The following PRH1 variants were observed in gnomAD, a reference collection of about 807,000 sequenced individuals.
PRH1 encodes the protein proline rich protein HaeIII subfamily 1.
A neutral mutation model predicts 7.9 loss-of-function variants in PRH1; 7 were observed. The ratio of observed to expected loss-of-function variants is 0.89; its 90% CI spans 0.50 to 1.67. The LOEUF (loss-of-function observed/expected upper bound fraction) is 1.67. Among genes scored for constraint, PRH1 ranks in the 40% most tolerant of loss-of-function variants. PRH1 has a pLI of 0.00. For missense variants in PRH1, 109 were observed against 223.6 expected (o/e 0.49, Z 3.27); for synonymous variants, 45 against 80.8 (o/e 0.56, Z 2.38).
intron 2 of PRH1, among the ~76,000 whole-genome samples, chr12:10,894,022 T>C (rs1305707743): frequency 6.6e-6 from 1 of 152,182 alleles, no homozygotes; most frequent in Non-Finnish European, 1.5e-5. Flanking sequence ...TTTGTTTTTC[T>C]TTTCAAAACT....
intron 1 of PRH1, among the ~76,000 whole-genome samples, chr12:10,991,455 G>A (rs1939928025): frequency 1.3e-5 from 2 of 151,972 alleles, no homozygotes; most frequent in Non-Finnish European, 2.9e-5. Context: ...CCATCACTCT[G>A]ATTTAGCAGA....
chr12:11,112,434 A>G (rs1397048847), intron 1 of PRH1, among the ~76,000 whole-genome samples: 2 of 152,218 alleles, frequency 1.3e-5, no homozygotes, highest in African/African-American at 2.4e-5. Context: ...ATCCAGCAGC[A>G]TATAAAAAGG....
chr12:10,940,620 C>T (rs1950383968), intron 2 of PRH1, among the ~76,000 whole-genome samples: 1 of 152,184 alleles, frequency 6.6e-6, no homozygotes, highest in Admixed American at 6.5e-5. Flanking sequence ...CCAGCAACAT[C>T]TACTCCATGA....
intron 1 of PRH1, chr12:11,132,952 C>G: frequency 4.4e-6 from 1 of 224,920 alleles, no homozygotes; most frequent in Non-Finnish European, 8.6e-6. Context: ...GCTGTTAGTT[C>G]TTAATAATTA....
intron 1 of PRH1, among the ~76,000 whole-genome samples, chr12:11,087,400 G>C (rs1944742678): frequency 8.5e-6 from 1 of 117,166 alleles, no homozygotes; most frequent in Non-Finnish European, 2.0e-5. Context: ...AGCCTGCATT[G>C]AGAGTTTCTG....
chr12:10,960,508 G>A (rs929446259), intron 2 of PRH1, among the ~76,000 whole-genome samples: 7 of 152,110 alleles, frequency 4.6e-5, no homozygotes, highest in Non-Finnish European at 5.9e-5. Context: ...TTGATTTGGC[G>A]AATGTTTTTA....
In PRH1 at chr12:11,069,196, C is replaced by CT. The variant is rs377239053; in HGVS notation, n.124-22009dup. Among the ~76,000 whole-genome samples, 30 of 151,178 alleles carry CT rather than the reference C, an allele frequency of 2.0e-4. 1 individual carries two copies. Among genetic ancestry groups the CT allele is most frequent in the African/African-American group, 7.3e-4 (30 of 41,248 alleles). ...ACCTCCCAAGGTGCTCAATTACAGG[C>CT]TTGAGCCACAGCATCCAACCTGGTA... On this transcript the variant is annotated intron_variant and non_coding_transcript_variant, in intron 1 of 4. Coordinates refer to the PRH1 transcript ENST00000541977.
chr12:11,014,083 A>C, intron 1 of PRH1, among the ~76,000 whole-genome samples: 1 of 152,196 alleles, frequency 6.6e-6, no homozygotes, highest in East Asian at 1.9e-4. Flanking sequence ...TATTTACATA[A>C]TGTGCTATAT....
intron 1 of PRH1, chr12:10,996,510 A>G (rs1591786499): frequency 1.3e-5 from 2 of 152,938 alleles, no homozygotes; most frequent in African/African-American, 4.8e-5. Context: ...ACAACGAAAA[A>G]CAGCAATGAT....
intron 1 of PRH1, among the ~76,000 whole-genome samples, chr12:10,989,603 C>T (rs1175831446): frequency 6.6e-6 from 1 of 152,116 alleles, no homozygotes; most frequent in Non-Finnish European, 1.5e-5. Flanking sequence ...TTATTAAATA[C>T]TTAACCCAAA....
intron 1 of PRH1, among the ~76,000 whole-genome samples, chr12:11,101,181 T>G (rs1440547610): frequency 6.6e-6 from 1 of 152,288 alleles, no homozygotes; most frequent in East Asian, 1.9e-4. Context: ...TCTTCTTTTG[T>G]GTGAATTAAT....
intron 1 of PRH1, among the ~76,000 whole-genome samples, chr12:11,127,780 G>A (rs938946100): frequency 3.8e-5 from 3 of 78,566 alleles, no homozygotes; most frequent in African/African-American, 1.0e-4. Context: ...ATTCTCTTGA[G>A]AATACTTAAA....
At chr12:10,986,819 C>A in intron 1 of PRH1, 1 of 1,558,886 alleles carries the variant, frequency 6.4e-7, no homozygotes, top group South Asian at 1.2e-5. Context: ...CAAATAAAAC[C>A]ATTATTAGAA....
chr12:11,122,025 G>C (rs1244819151), intron 1 of PRH1, among the ~76,000 whole-genome samples: 2 of 152,186 alleles, frequency 1.3e-5, no homozygotes, highest in Non-Finnish European at 2.9e-5. Context: ...ATATATATGT[G>C]AAATGTACTC....
chr12:10,997,286 A>G, intron 1 of PRH1: 1 of 1,614,144 alleles, frequency 6.2e-7, no homozygotes, highest in Non-Finnish European at 8.5e-7. Context: ...GTAGATTAAC[A>G]GCAGAAAAGA....
intron 1 of PRH1, among the ~76,000 whole-genome samples, chr12:11,080,302 G>T (rs1944458022): frequency 8.6e-6 from 1 of 116,372 alleles, no homozygotes; most frequent in African/African-American, 2.9e-5. Context: ...ACAGTTGCAT[G>T]TACATGTGAT....
intron 1 of PRH1, among the ~76,000 whole-genome samples, chr12:11,103,116 T>C (rs917721584): frequency 2.6e-5 from 4 of 152,148 alleles, no homozygotes; most frequent in Admixed American, 6.5e-5. Flanking sequence ...GTTCAAACAT[T>C]GTGGAAGACA....
At chr12:11,101,677 A>G (rs988810464) in intron 1 of PRH1, among the ~76,000 whole-genome samples, 4 of 152,208 alleles carry the variant, frequency 2.6e-5, no homozygotes, top group African/African-American at 4.8e-5. Context: ...GGAGCAAAAC[A>G]TACAGATACA....
At chr12:10,986,427 A>G (rs755293716) in intron 1 of PRH1, 1 of 1,614,098 alleles carries the variant, frequency 6.2e-7, no homozygotes, top group South Asian at 1.1e-5. Context: ...GTTTGCCACA[A>G]GAAGATGACA....
Sources: allele counts gnomAD v4.1 joint callset (sites outside exome capture counted in the v4.1 genomes callset), GRCh38; gene constraint gnomAD v4.1.1; transcripts MANE v1.5; gene names NCBI Gene and HGNC (gene_info 2026-07-23, HGNC 2026-07-21).